The following ZNF334 variants were observed in gnomAD, a reference collection of about 807,000 sequenced individuals.
The protein encoded by ZNF334 is zinc finger protein 334.
ZNF334 carries 14 observed loss-of-function variants against 12.4 expected under a neutral mutation model. That is an observed-to-expected ratio of 1.13 (90% CI 0.74 to 1.76). The LOEUF (loss-of-function observed/expected upper bound fraction) is 1.76. ZNF334 is among the 40% of genes most tolerant of loss of function. ZNF334 has a pLI of 0.00. For synonymous variants in ZNF334, 273 were observed against 269.6 expected (o/e 1.01, Z -0.12); for missense variants, 797 against 804.5 (o/e 0.99, Z 0.11).
intron 4 of ZNF334, 95 bp downstream of exon 4, chr20:46,504,119 A>C (rs1020638506): frequency 4.9e-6 from 4 of 823,982 alleles, no homozygotes; most frequent in Admixed American, 2.9e-5. Flanking sequence ...ACAAAAAGAA[A>C]TTCATGAAAA....
the ZNF334 span, among the ~76,000 whole-genome samples, chr20:46,481,826 A>G: frequency 1.2e-4 from 18 of 152,330 alleles, no homozygotes; most frequent in Middle Eastern, 0.01. Flanking sequence ...CCAGATACAC[A>G]TTGTGGTAGA....
rs1354944995 is a variant in ZNF334, at chr20:46,513,308, C to T, written c.-807G>A. 1 of 152,440 alleles carries T rather than the reference C, an allele frequency of 6.6e-6. No homozygotes were observed. The highest frequency in any genetic ancestry group is 1.9e-4 in the East Asian group (1 of 5,210). 9.4% of individuals were successfully genotyped at this position (152,440 alleles called of 1,614,324 possible). A position where few individuals can be genotyped will look rare whatever the true frequency, so the allele number is the denominator to read the frequency against. On this transcript the variant is annotated 5_prime_UTR_variant, in exon 1 of 5. Transcript: ENST00000692313. ...TGCAGGTCAGGAGCCCAATCCTGCC[C>T]TGGCTGCCTCGCCTCCCGACCACAG... is the stretch of plus-strand genomic sequence containing the variant.
At position 46,501,343 on chromosome 20, in the gene ZNF334, G is replaced by T. The variant is rs763384880; in HGVS notation, c.1996C>A (p.Arg666Ser). The change falls in exon 5 of 5, where the codon CGC (arginine) becomes AGC (serine). Residue 666 changes from arginine (R) to serine (S), a missense_variant. Arg to Ser is a moderately radical substitution (Grantham distance 110, BLOSUM62 -1). Coordinates refer to ENST00000692313, the MANE Select transcript of ZNF334 (RefSeq NM_001353824.2). ...TGTAAAAGAAAGTTTGATTTGTGGC[G>T]AAATGTTTTCTCACATTTGTTACAT... ...YECNKCEKTF[R>S]HKSNFLLHQK... 3 of 1,612,336 alleles carry T rather than the reference G, an allele frequency of 1.9e-6. No homozygotes were observed. Among genetic ancestry groups the T allele is most frequent in the East Asian group, 4.5e-5 (2 of 44,860 alleles).
the ZNF334 span, chr20:46,484,432 T>C: frequency 6.0e-6 from 1 of 167,084 alleles, no homozygotes; most frequent in African/African-American, 2.4e-5. Context: ...GAGGCATGTA[T>C]ACATATAAAG....
the ZNF334 span, among the ~76,000 whole-genome samples, chr20:46,467,067 A>T: frequency 6.6e-6 from 1 of 152,224 alleles, no homozygotes; most frequent in Non-Finnish European, 1.5e-5. Flanking sequence ...TCATGTTAAC[A>T]GCAATACACT....
the ZNF334 span, among the ~76,000 whole-genome samples, chr20:46,473,090 G>C: frequency 8.5e-5 from 13 of 152,104 alleles, no homozygotes; most frequent in Admixed American, 8.5e-4. Flanking sequence ...TTTTCTAAAA[G>C]TTTATTTATT....
At chr20:46,490,059 T>C in the ZNF334 span, among the ~76,000 whole-genome samples, 66 of 152,300 alleles carry the variant, frequency 4.3e-4, 1 homozygote, top group African/African-American at 1.4e-3. Context: ...ACACCACAGT[T>C]TTATATAAAG....
chr20:46,481,316 C>A, the ZNF334 span: 1 of 152,328 alleles, frequency 6.6e-6, no homozygotes, highest in East Asian at 1.9e-4. Flanking sequence ...ACCTAAATAA[C>A]CCAGAAGCTT....
the ZNF334 span, among the ~76,000 whole-genome samples, chr20:46,479,907 C>T: frequency 2.6e-5 from 4 of 152,220 alleles, no homozygotes; most frequent in East Asian, 1.9e-4. Context: ...TAGTTTAACT[C>T]TTTCAAACAA....
the ZNF334 span, among the ~76,000 whole-genome samples, chr20:46,487,044 G>A: frequency 2.6e-5 from 4 of 151,396 alleles, no homozygotes; most frequent in African/African-American, 9.7e-5. Context: ...TAAAATGTAC[G>A]GTTACTCCTG....
chr20:46,472,659 G>T, the ZNF334 span, among the ~76,000 whole-genome samples: 1 of 152,118 alleles, frequency 6.6e-6, no homozygotes, highest in Non-Finnish European at 1.5e-5. Context: ...AGGGATAAAG[G>T]GTTAACAGGA....
rs2061694505 is a variant in ZNF334, at chr20:46,512,642, T to C, written c.-141A>G. ...TGTCTTTTTGACAGTTTGGTTTCCC[T>C]TAGCTGCAGTTTCACAAGAGGACCT... On this transcript the variant is annotated 5_prime_UTR_variant, in exon 1 of 5. Coordinates refer to ENST00000692313, the MANE Select transcript of ZNF334 (RefSeq NM_001353824.2). The C allele has an allele frequency of 6.6e-6, 1 of 152,400 alleles. No homozygotes were observed. The highest frequency in any genetic ancestry group is 1.5e-5 in the Non-Finnish European group (1 of 68,166). The allele number at this position is 152,400 out of a possible 1,614,324, so 9.4% of individuals were successfully genotyped here.
At chr20:46,509,496 G>C (rs1018226646) in intron 2 of ZNF334, 18 of 687,642 alleles carry the variant, frequency 2.6e-5, no homozygotes, top group Non-Finnish European at 4.3e-5. Flanking sequence ...AGGAGCATGG[G>C]GTCAGCACGT....
chr20:46,470,628 A>T, the ZNF334 span, among the ~76,000 whole-genome samples: 1 of 152,112 alleles, frequency 6.6e-6, no homozygotes, highest in Admixed American at 6.5e-5. Context: ...TCTTCTTTAC[A>T]CTTTAACCAC....
At chr20:46,475,062 C>A in the ZNF334 span, among the ~76,000 whole-genome samples, 1,104 of 152,278 alleles carry the variant, frequency 7.2e-3, 14 homozygotes, top group African/African-American at 0.026. Context: ...AACTGTGGGT[C>A]TATTCCAACA....
chr20:46,468,834 A>T, the ZNF334 span, among the ~76,000 whole-genome samples: 1 of 152,146 alleles, frequency 6.6e-6, no homozygotes, highest in African/African-American at 2.4e-5. Flanking sequence ...CTGGAGTCGA[A>T]TCTCACCTCC....
downstream of ZNF334, among the ~76,000 whole-genome samples, chr20:46,495,895 A>G (rs538882468): frequency 6.6e-6 from 1 of 152,284 alleles, no homozygotes; most frequent in Non-Finnish European, 1.5e-5. Flanking sequence ...ATCCCCATGG[A>G]GGTCTGGGTA....
chr20:46,502,555 C>G lies in ZNF334; in HGVS notation c.784G>C (p.Glu262Gln). 1 of 1,613,848 alleles carries G rather than the reference C, an allele frequency of 6.2e-7. No individual in the cohort carries two copies. The highest frequency in any genetic ancestry group is 8.5e-7 in the Non-Finnish European group (1 of 1,179,910). Reference protein sequence around the residue: ...LIVHQRIHTGEKPYVCSDCRK... With the variant: ...LIVHQRIHTGQKPYVCSDCRK... ...CAATCACTACAAACATACGGTTTCTCCCCTGTATGAATTCTCTGATGTACA... is the reference window on the plus strand; with the variant it reads ...CAATCACTACAAACATACGGTTTCTGCCCTGTATGAATTCTCTGATGTACA... Residue 262 changes from glutamate to glutamine, a missense_variant, in exon 5 of 5, where the codon GAG (glutamate) becomes CAG (glutamine). By Grantham distance (29) the Glu-to-Gln change is conservative. Transcript: ENST00000692313.
At chr20:46,472,980 A>T in the ZNF334 span, among the ~76,000 whole-genome samples, 1 of 152,226 alleles carries the variant, frequency 6.6e-6, no homozygotes, top group South Asian at 2.1e-4. Context: ...CGGGGTTGAC[A>T]CCTCAGCCAA....
Sources: allele counts gnomAD v4.1 joint callset (sites outside exome capture counted in the v4.1 genomes callset), GRCh38; gene constraint gnomAD v4.1.1; transcripts MANE v1.5; gene names NCBI Gene and HGNC (gene_info 2026-07-23, HGNC 2026-07-21).